The following TNNI1 variants were observed in gnomAD, a reference collection of about 807,000 sequenced individuals.
TNNI1 encodes troponin I1, slow skeletal type, also known as troponin I, slow skeletal muscle.
TNNI1 carries 14 observed loss-of-function variants against 26.7 expected under a neutral mutation model. The ratio of observed to expected loss-of-function variants is 0.52; its 90% CI spans 0.35 to 0.82. TNNI1 has a LOEUF of 0.82. TNNI1 is among the 40% of genes least tolerant of loss of function. The probability of loss-of-function intolerance (pLI) is 0.01; values close to 1 mark genes in which losing one functional copy is unlikely to be tolerated. For missense variants in TNNI1, 164 were observed against 257.0 expected (o/e 0.64, Z 2.47); for synonymous variants, 79 against 98.2 (o/e 0.80, Z 1.16).
Position 201,413,011 on chromosome 1 carries a change from C to T in TNNI1, c.279+21G>A, listed in dbSNP as rs373656630. 4.3e-6 allele frequency: 7 copies of T among 1,612,842 alleles called. No individual in the cohort carries two copies. In the East Asian group the frequency reaches 1.6e-4, roughly 36 times the overall value. ...CTGCCCAACCCATTATGGCCATGCC[C>T]CTTCCCTTCCTTAGACTCACCTCCC... On this transcript the variant is annotated intron_variant, in intron 6 of 8. Transcript: ENST00000361379.
At chr1:201,415,191 C>A (rs750151914) in intron 4 of TNNI1, 22 bp downstream of exon 4, 2 of 1,610,234 alleles carry the variant, frequency 1.2e-6, no homozygotes, top group African/African-American at 1.3e-5. Flanking sequence ...GGCATCCCCC[C>A]ACAGCCAGCC....
chr1:201,414,838 G>A (rs1230113377), intron 4 of TNNI1, among the ~76,000 whole-genome samples, 189 bp from the exon 5 acceptor site: 1 of 152,222 alleles, frequency 6.6e-6, no homozygotes, highest in Non-Finnish European at 1.5e-5. Context: ...CTCAAGCCCT[G>A]GAACTTGTTT....
intron 3 of TNNI1, 98 bp from the exon 4 acceptor site, chr1:201,415,352 C>G: frequency 7.8e-7 from 1 of 1,289,550 alleles, no homozygotes. Flanking sequence ...CGTTCTCTAT[C>G]TTTATCCGGA....
chr1:201,411,414 C>G lies in TNNI1; in HGVS notation c.399G>C (p.Lys133Asn). 6.2e-7 allele frequency: 1 copy of G among 1,613,996 alleles called. No homozygotes were observed. The highest frequency in any genetic ancestry group is 8.5e-7 in the Non-Finnish European group (1 of 1,179,962). Reference sequence around the variant, plus strand: ...GGTTGGCCCGCAGATCCATGGACACCTTGTGCTTGGAGCCCAGCAGGGCCC... The same window carrying G: ...GGTTGGCCCGCAGATCCATGGACACGTTGTGCTTGGAGCCCAGCAGGGCCC... Reference protein sequence around the residue: ...MLRALLGSKHKVSMDLRANLK... With the variant: ...MLRALLGSKHNVSMDLRANLK... Residue 133 changes from lysine to asparagine, a missense_variant, in exon 7 of 9, where the codon AAG becomes AAC. By Grantham distance (94) the Lys-to-Asn change is moderately conservative. Around this residue, in one of 3 missense-constraint regions of TNNI1, gnomAD observed 43 missense variants for 74.3 expected, o/e 0.58. Coordinates refer to ENST00000361379, the MANE Select transcript of TNNI1 (RefSeq NM_003281.4). This position sits in a 1 kb window ranked among gnomAD's most constrained non-coding sequence, Gnocchi z 4.6.
intron 8 of TNNI1, chr1:201,410,093 A>G (rs1662603966): frequency 6.4e-6 from 3 of 468,996 alleles, no homozygotes; most frequent in Non-Finnish European, 1.1e-5. Context: ...ACAGCCCCCA[A>G]TTTCATAGAT....
rs1331890213 is a variant in TNNI1 at position 201,407,881 on chromosome 1, A to T, written c.*1372T>A. 6.6e-6 allele frequency: 1 copy of T among 151,996 alleles called. No individual in the cohort carries two copies. Among genetic ancestry groups the T allele is most frequent in the East Asian group, 1.9e-4 (1 of 5,168 alleles). The allele number at this position is 151,996 out of a possible 1,614,324, so 9.4% of individuals were successfully genotyped here. ...AACATGGTGAAACCCTGTCTCTACTAAAAATACAAAAATTAGCGGGGTGTG... is the reference window on the plus strand; with the variant it reads ...AACATGGTGAAACCCTGTCTCTACTTAAAATACAAAAATTAGCGGGGTGTG... On this transcript the variant is annotated 3_prime_UTR_variant, in exon 9 of 9. Coordinates refer to ENST00000361379, the MANE Select transcript of TNNI1 (RefSeq NM_003281.4).
chr1:201,417,087 A>G (rs371695094), intron 3 of TNNI1, 29 bp downstream of exon 3: 32 of 1,614,118 alleles, frequency 2.0e-5, no homozygotes, highest in Non-Finnish European at 2.5e-5. Flanking sequence ...AGAGTTAACC[A>G]AGACAGAGAT....
rs575476128 is a variant in TNNI1, at chr1:201,407,618, G to A, written c.*1635C>T. ...GGGGACTCAGTAGGGTGGGTAGAAG[G>A]GTTGCTGCTCTGATAACTCAGCCCC... On this transcript the variant is annotated 3_prime_UTR_variant, in exon 9 of 9. Transcript: ENST00000361379. 1 of 152,316 alleles carries A rather than the reference G, an allele frequency of 6.6e-6. No individual in the cohort carries two copies. The highest frequency in any genetic ancestry group is 1.5e-5 in the Non-Finnish European group (1 of 68,066). The allele number at this position is 152,316 out of a possible 1,614,324, so 9.4% of individuals were successfully genotyped here. A position where few individuals can be genotyped will look rare whatever the true frequency, so the allele number is the denominator to read the frequency against.
In TNNI1 at chr1:201,417,823, C is replaced by G. The variant is rs371029439; in HGVS notation, c.-19-11G>C. On this transcript the variant is annotated splice_polypyrimidine_tract_variant and intron_variant, in intron 1 of 8. Coordinates refer to ENST00000361379, the MANE Select transcript of TNNI1 (RefSeq NM_003281.4). Reference sequence around the variant, plus strand: ...GCAGTGAGACAGCACCTAGGGGGCACAGAGGAATCATTCATAAGGGAAAGT... The same window carrying G: ...GCAGTGAGACAGCACCTAGGGGGCAGAGAGGAATCATTCATAAGGGAAAGT... 5 of 1,312,596 alleles carry G rather than the reference C, an allele frequency of 3.8e-6. No individual in the cohort carries two copies. In the African/African-American group the frequency reaches 7.5e-5, roughly 20 times the overall value. The allele number at this position is 1,312,596 out of a possible 1,614,324, so 81.3% of individuals were successfully genotyped here.
intron 1 of TNNI1, 150 bp from the exon 2 acceptor site, chr1:201,417,962 G>C (rs986299197): frequency 3.8e-6 from 2 of 526,138 alleles, no homozygotes. Context: ...AGATGGGACA[G>C]GGTTGCAGGG....
At position 201,417,118 on chromosome 1, in the gene TNNI1, C is replaced by T. The variant is rs201326771; in HGVS notation, c.13G>A (p.Glu5Lys). ...GAGATACCCCAAATATCACTTACCT[C>T]GCTTCAGGCATCCATCACAGGAAGG... MPEV[E>K]RKPKITASRK... is the part of the protein sequence containing the mutation. The change falls in exon 3 of 9, where the codon GAG becomes AAG. Residue 5 changes from glutamate (E) to lysine (K), a missense_variant and splice_region_variant. By Grantham distance (56) the Glu-to-Lys change is moderately conservative. Transcript: ENST00000361379. 3.8e-5 allele frequency: 61 copies of T among 1,614,112 alleles called. No individual in the cohort carries two copies. The highest frequency in any genetic ancestry group is 2.7e-5 in the African/African-American group (2 of 75,016).
At chr1:201,417,163 CAG>C in intron 2 of TNNI1, 44 bp from the exon 3 acceptor site, 1 of 1,613,786 alleles carries the variant, frequency 6.2e-7, no homozygotes, top group Non-Finnish European at 8.5e-7. Context: ...GAGCAGAACA[CAG>C]AGTGAGTATG....
chr1:201,415,746 T>C lies in TNNI1; in HGVS notation c.16-492A>G, dbSNP rs1662725004. ...ATAAGCTGTGAATTTCCCAAATAAA[T>C]GAAACGTATCTATGTAGACCTCAAA... On this transcript the variant is annotated intron_variant, in intron 3 of 8. Coordinates refer to ENST00000361379, the MANE Select transcript of TNNI1 (RefSeq NM_003281.4). Among the ~76,000 whole-genome samples the C allele has an allele frequency of 2.6e-5, 4 of 152,212 alleles. 1 individual carries two copies. The South Asian group carries it at 8.3e-4, about 31-fold the overall frequency.
chr1:201,411,113 G>A lies in TNNI1; in HGVS notation c.456+244C>T, dbSNP rs16848531. 0.03 allele frequency among the ~76,000 whole-genome samples: 4,562 copies of A among 152,220 alleles called. 221 individuals are homozygous for A. Among genetic ancestry groups the A allele is most frequent in the African/African-American group, 0.1 (4,233 of 41,514 alleles). ...AACAAGATTTTTACTTCATTTCTCC[G>A]TCTGGGGTCTAGCTTTCTTTATGTC... On this transcript the variant is annotated intron_variant, in intron 7 of 8. Coordinates refer to ENST00000361379, the MANE Select transcript of TNNI1 (RefSeq NM_003281.4). The surrounding 1 kb of genome is among the most constrained non-coding windows in gnomAD (Gnocchi z 4.6).
intron 3 of TNNI1, among the ~76,000 whole-genome samples, chr1:201,415,931 G>A (rs922517826): frequency 2.6e-5 from 4 of 152,144 alleles, no homozygotes; most frequent in African/African-American, 7.2e-5. Flanking sequence ...AGGGCTGCTT[G>A]GTCCCCAACT....
chr1:201,414,478 C>T (rs754895876), intron 5 of TNNI1, 40 bp downstream of exon 5: 1 of 1,502,508 alleles, frequency 6.7e-7, no homozygotes, highest in Non-Finnish European at 8.9e-7. Flanking sequence ...CACACAGCAC[C>T]TCCAGCCCCA....
At chr1:201,415,283 G>A in intron 3 of TNNI1, 29 bp from the exon 4 acceptor site, 4 of 1,613,124 alleles carry the variant, frequency 2.5e-6, no homozygotes, top group Non-Finnish European at 3.4e-6. Flanking sequence ...AGAGACAGGT[G>A]GTGAGGCAGA....
rs1662641946 is a variant in TNNI1, at chr1:201,411,906, A to T, written c.280-373T>A. On this transcript the variant is annotated intron_variant, in intron 6 of 8. Transcript: ENST00000361379. The surrounding 1 kb of genome is among the most constrained non-coding windows in gnomAD (Gnocchi z 4.6). ...TGACAGGAGGCAGAGCTCAGGCGGGAATGCTCATTTGCCCACTGCTCACCT... is the reference window on the plus strand; with the variant it reads ...TGACAGGAGGCAGAGCTCAGGCGGGTATGCTCATTTGCCCACTGCTCACCT... Among the ~76,000 whole-genome samples, 1 of 152,130 alleles carries T rather than the reference A, an allele frequency of 6.6e-6. No homozygotes were observed. The highest frequency in any genetic ancestry group is 2.1e-4 in the South Asian group (1 of 4,814).
chr1:201,416,595 G>T (rs114703234), intron 3 of TNNI1, among the ~76,000 whole-genome samples: 169 of 152,286 alleles, frequency 1.1e-3, no homozygotes, highest in African/African-American at 3.9e-3. Context: ...CAGTAGCCTG[G>T]TAAGTCTGGA....
Sources: allele counts gnomAD v4.1 joint callset (sites outside exome capture counted in the v4.1 genomes callset), GRCh38; gene constraint gnomAD v4.1.1; regional missense constraint gnomAD v4.1.1; non-coding constraint Gnocchi (gnomAD v3.1); transcripts MANE v1.5; gene names NCBI Gene and HGNC (gene_info 2026-07-23, HGNC 2026-07-21).